Variants in CLIP1 observed in about 807,000 individuals in gnomAD.
CLIP1 encodes CAP-Gly domain-containing linker protein 1.
In CLIP1, 66 loss-of-function variants were observed where a neutral mutation model predicts 161.6. The observed-to-expected ratio is 0.41, with a 90% CI of 0.33 to 0.50. The LOEUF (loss-of-function observed/expected upper bound fraction) is 0.50. CLIP1 is among the 20% of genes least tolerant of loss of function. The pLI is 0.27. For synonymous variants in CLIP1, 598 were observed against 626.2 expected (o/e 0.96, Z 0.67); for missense variants, 1,376 against 1,702.0 (o/e 0.81, Z 3.37).
At chr12:122,386,612 C>T (rs934893032) in intron 1 of CLIP1, among the ~76,000 whole-genome samples, 4 of 152,058 alleles carry the variant, frequency 2.6e-5, no homozygotes, top group Non-Finnish European at 5.9e-5. Context: ...TTTGGCATTT[C>T]TCTGATTATA....
At chr12:122,309,682 C>T (rs917527911) in intron 20 of CLIP1, 80 bp downstream of exon 20, 12 of 1,557,054 alleles carry the variant, frequency 7.7e-6, no homozygotes, top group Admixed American at 1.7e-5. Context: ...AGCAGACCTC[C>T]GAGTGGCCTC....
chr12:122,334,550 G>C, intron 13 of CLIP1, 98 bp downstream of exon 13: 6 of 785,822 alleles, frequency 7.6e-6, no homozygotes, highest in Non-Finnish European at 1.3e-5. Flanking sequence ...GTGAAATTAG[G>C]CTACGAGCAG....
intron 3 of CLIP1, among the ~76,000 whole-genome samples, chr12:122,366,047 C>G (rs1954149708): frequency 6.6e-6 from 1 of 151,970 alleles, no homozygotes; most frequent in Non-Finnish European, 1.5e-5. Flanking sequence ...CACGATGGCT[C>G]ACGCCTCCCA....
chr12:122,391,272 A>G (rs1955650417), intron 1 of CLIP1, among the ~76,000 whole-genome samples: 1 of 151,922 alleles, frequency 6.6e-6, no homozygotes, highest in East Asian at 1.9e-4. Context: ...CGGGTGACAA[A>G]GCAAGACTCC....
chr12:122,348,253 G>A (rs76740807), intron 9 of CLIP1, among the ~76,000 whole-genome samples: 1,947 of 152,264 alleles, frequency 0.013, 19 homozygotes, highest in Middle Eastern at 0.02. Context: ...GGGAAAAAAG[G>A]ACTCAGAATT....
At chr12:122,352,103 G>A (rs1227211449) in intron 8 of CLIP1, among the ~76,000 whole-genome samples, 3 of 138,912 alleles carry the variant, frequency 2.2e-5, no homozygotes, top group Admixed American at 1.6e-4. Flanking sequence ...CATCCCCCAA[G>A]CTGGAGTGCA....
chr12:122,408,959 G>A (rs1956427431), intron 1 of CLIP1, among the ~76,000 whole-genome samples: 1 of 151,996 alleles, frequency 6.6e-6, no homozygotes, highest in Non-Finnish European at 1.5e-5. Context: ...TTACAGGTCT[G>A]CACAACCATG....
At position 122,293,724 on chromosome 12, in the gene CLIP1, C is replaced by T. The variant is rs544735178; in HGVS notation, c.3595-5183G>A. Among the ~76,000 whole-genome samples, 11 of 151,898 alleles carry T rather than the reference C, an allele frequency of 7.2e-5. No individual in the cohort carries two copies. The South Asian group carries it at 8.3e-4, about 11-fold the overall frequency. On this transcript the variant is annotated intron_variant, in intron 20 of 25. Coordinates refer to ENST00000620786, the MANE Select transcript of CLIP1 (RefSeq NM_001247997.2). ...AACTCCTGACCTCAGGTGATCCGCC[C>T]GCCTCGGCCTCCCAAAGTGCTGGGA...
At chr12:122,405,332 T>G (rs1956290304) in intron 1 of CLIP1, among the ~76,000 whole-genome samples, 1 of 152,216 alleles carries the variant, frequency 6.6e-6, no homozygotes, top group Non-Finnish European at 1.5e-5. Context: ...ACTCTAGGTT[T>G]TTTTTAGTCT....
rs751898190 is a variant in CLIP1 at position 122,279,074 on chromosome 12, G to A, written c.3719C>T (p.Ala1240Val). ...SLQKSISITS[A>V]LLTEKDAELE... is the part of the protein sequence containing the mutation. ...CTCGGCATCCTTTTCTGTGAGTAAG[G>A]CACTAGTTATACTGATGGATTTCTG... The change falls in exon 22 of 26, where the codon GCC becomes GTC. Residue 1240 changes from alanine (A) to valine (V), a missense_variant. Physicochemically the swap from Ala to Val is moderately conservative, Grantham distance 64 (BLOSUM62 0). Coordinates refer to ENST00000620786, the MANE Select transcript of CLIP1 (RefSeq NM_001247997.2). This position sits in a 1 kb window ranked among gnomAD's most constrained non-coding sequence, Gnocchi z 4.5. 1 of 1,613,480 alleles carries A rather than the reference G, an allele frequency of 6.2e-7. No homozygotes were observed. Among genetic ancestry groups the A allele is most frequent in the South Asian group, 1.1e-5 (1 of 90,950 alleles).
At chr12:122,397,182 G>T (rs1484584179) in intron 1 of CLIP1, among the ~76,000 whole-genome samples, 1 of 151,946 alleles carries the variant, frequency 6.6e-6, no homozygotes, top group African/African-American at 2.4e-5. Flanking sequence ...TGAGGCATGT[G>T]CCACTCTAGG....
At chr12:122,371,740 G>A (rs1954462721) in intron 3 of CLIP1, among the ~76,000 whole-genome samples, 1 of 152,154 alleles carries the variant, frequency 6.6e-6, no homozygotes, top group African/African-American at 2.4e-5. Flanking sequence ...CAGGTGGACG[G>A]TTTCCTGTGT....
chr12:122,406,076 G>A (rs1226329892), intron 1 of CLIP1, among the ~76,000 whole-genome samples: 1 of 152,094 alleles, frequency 6.6e-6, no homozygotes, highest in Non-Finnish European at 1.5e-5. Context: ...GGGGGATGGG[G>A]GGCGGGAAGC....
intron 17 of CLIP1, among the ~76,000 whole-genome samples, chr12:122,320,331 G>A (rs142404344): frequency 1.3e-5 from 2 of 152,170 alleles, no homozygotes; most frequent in Non-Finnish European, 2.9e-5. Context: ...AGCTAGGCAT[G>A]GTAGCATGTG....
chr12:122,346,889 A>G (rs1315523833), intron 10 of CLIP1, among the ~76,000 whole-genome samples: 2 of 152,180 alleles, frequency 1.3e-5, no homozygotes, highest in Non-Finnish European at 2.9e-5. Context: ...CTGGGGTGAA[A>G]GTTTTTAACT....
chr12:122,411,428 C>CA (rs1244128747), intron 1 of CLIP1, among the ~76,000 whole-genome samples: 1 of 151,992 alleles, frequency 6.6e-6, no homozygotes, highest in Non-Finnish European at 1.5e-5. Flanking sequence ...AAAACAAAAA[C>CA]AAAAAATTTA....
chr12:122,333,139 C>T lies in CLIP1; in HGVS notation c.2715G>A (p.Met905Ile), dbSNP rs765983522. The T allele has an allele frequency of 1.9e-6, 3 of 1,610,106 alleles. No individual in the cohort carries two copies. The highest frequency in any genetic ancestry group is 2.2e-5 in the East Asian group (1 of 44,846). ...CATCTTTCTCTCTAAATTTTGCCTC[C>T]ATATCTAAATATATAGAGAAAAAAA... ...LEKLRENLAD[M>I]EAKFREKDER... Residue 905 changes from methionine (M) to isoleucine (I), a missense_variant, in exon 15 of 26, where the codon ATG (methionine) becomes ATA (isoleucine). This residue lies in a region of CLIP1 where 948 missense variants were observed against 1,134.8 expected (regional missense o/e 0.84). Transcript: ENST00000620786.
Position 122,417,715 on chromosome 12 carries a change from C to T in CLIP1, c.-107+4806G>A, listed in dbSNP as rs183649291. 3.0e-4 allele frequency among the ~76,000 whole-genome samples: 45 copies of T among 151,930 alleles called. 1 individual carries two copies. In the East Asian group the frequency reaches 8.0e-3, roughly 27 times the overall value. ...TTTTAGTAGAGACGGGGTTTCACTG[C>T]GTTAGCCAGGATGGTCTCAATCTCC... On this transcript the variant is annotated intron_variant, in intron 1 of 25. Coordinates refer to ENST00000620786, the MANE Select transcript of CLIP1 (RefSeq NM_001247997.2).
chr12:122,309,590 T>C (rs1466388417), intron 20 of CLIP1, among the ~76,000 whole-genome samples, 172 bp downstream of exon 20: 1 of 152,116 alleles, frequency 6.6e-6, no homozygotes, highest in East Asian at 1.9e-4. Flanking sequence ...CTACCCTAAA[T>C]CCTACAGCAG....
Sources: allele counts gnomAD v4.1 joint callset (sites outside exome capture counted in the v4.1 genomes callset), GRCh38; gene constraint gnomAD v4.1.1; regional missense constraint gnomAD v4.1.1; non-coding constraint Gnocchi (gnomAD v3.1); transcripts MANE v1.5; gene names NCBI Gene and HGNC (gene_info 2026-07-23, HGNC 2026-07-21).